The following NPAS3 variants were observed in gnomAD, a reference collection of about 807,000 sequenced individuals.
NPAS3 encodes the protein neuronal PAS domain protein 3.
NPAS3 carries 14 observed loss-of-function variants against 73.1 expected under a neutral mutation model. The observed-to-expected ratio is 0.19, with a 90% CI of 0.13 to 0.30. The LOEUF (loss-of-function observed/expected upper bound fraction) is 0.30, where lower values mean the gene tolerates loss of function less well. NPAS3 is among the 10% of genes least tolerant of loss of function. NPAS3 has a pLI of 1.00. For missense variants in NPAS3, 1,096 were observed against 1,250.0 expected, an observed-to-expected ratio of 0.88 and a Z score of 1.86; for synonymous variants, 620 against 541.5, an observed-to-expected ratio of 1.14 and a Z score of -2.01.
At chr14:33,277,681 C>A (rs985319135) in intron 3 of NPAS3, among the ~76,000 whole-genome samples, 6 of 151,996 alleles carry the variant, frequency 3.9e-5, no homozygotes, top group African/African-American at 9.7e-5. Flanking sequence ...ACTGAGGGGG[C>A]AACATGCAGA....
At chr14:33,463,935 T>G (rs950124657) in intron 4 of NPAS3, among the ~76,000 whole-genome samples, 3 of 151,842 alleles carry the variant, frequency 2.0e-5, no homozygotes, top group Non-Finnish European at 4.4e-5. Flanking sequence ...TCAGTTGAGG[T>G]ATGAGGGAGG....
In NPAS3 at chr14:33,665,661, T is replaced by A. The variant is rs190823706; in HGVS notation, c.559-10550T>A. ...GCATTTACTATGTAGCCACAAAAAA[T>A]TTTTAAAATAATTTCAGAAGTTTTT... is the stretch of plus-strand genomic sequence containing the variant. On this transcript the variant is annotated intron_variant, in intron 5 of 11. Coordinates refer to ENST00000356141, the Ensembl canonical transcript of NPAS3. Among the ~76,000 whole-genome samples, 838 of 152,278 alleles carry A rather than the reference T, an allele frequency of 5.5e-3. 5 individuals carry two copies. The highest frequency in any genetic ancestry group is 0.019 in the African/African-American group (771 of 41,550).
At chr14:33,112,662 T>G (rs2042934409) in intron 2 of NPAS3, among the ~76,000 whole-genome samples, 1 of 151,974 alleles carries the variant, frequency 6.6e-6, no homozygotes, top group East Asian at 1.9e-4. Context: ...CAGAAGCTCT[T>G]TAGTTTAATT....
chr14:33,181,286 TGAG>T (rs1228679756), intron 2 of NPAS3, among the ~76,000 whole-genome samples: 1 of 151,948 alleles, frequency 6.6e-6, no homozygotes, highest in African/African-American at 2.4e-5. Context: ...TCAGGCAGAG[TGAG>T]GAGGTATTTG....
At chr14:33,317,924 G>T (rs2043275365) in intron 3 of NPAS3, among the ~76,000 whole-genome samples, 1 of 152,032 alleles carries the variant, frequency 6.6e-6, no homozygotes, top group Admixed American at 6.6e-5. Flanking sequence ...CATGCATGTT[G>T]AAGTGCAGGG....
rs554390535 is a variant in NPAS3 at position 33,129,577 on chromosome 14, C to G, written c.140+73583C>G. ...TATTGAAAAATTCCTGTGTCAGTTG[C>G]CAAGGATAGTTTGTATCTTCCACAC... On this transcript the variant is annotated intron_variant, in intron 2 of 11. Transcript: ENST00000356141. Among the ~76,000 whole-genome samples the G allele has an allele frequency of 5.2e-4, 79 of 152,150 alleles. 2 individuals carry two copies. The South Asian group carries it at 6.2e-3, about 12-fold the overall frequency.
chr14:33,781,564 A>T (rs900827833), intron 9 of NPAS3, among the ~76,000 whole-genome samples: 2 of 152,232 alleles, frequency 1.3e-5, no homozygotes, highest in African/African-American at 4.8e-5. Flanking sequence ...GGTCATGGCG[A>T]CATAGAATCA....
At chr14:33,445,184 G>A (rs922676013) in intron 4 of NPAS3, among the ~76,000 whole-genome samples, 3 of 152,066 alleles carry the variant, frequency 2.0e-5, no homozygotes, top group African/African-American at 4.8e-5. Flanking sequence ...GAGTCACATC[G>A]CTCTGAGTTG....
At chr14:33,645,012 T>C (rs1404729083) in intron 5 of NPAS3, among the ~76,000 whole-genome samples, 2 of 146,922 alleles carry the variant, frequency 1.4e-5, no homozygotes, top group Non-Finnish European at 1.5e-5. Flanking sequence ...AACCGGAAGG[T>C]GGAGGTTGCA....
intron 6 of NPAS3, among the ~76,000 whole-genome samples, chr14:33,714,964 T>C (rs776331951): frequency 1.3e-5 from 2 of 152,216 alleles, no homozygotes; most frequent in Non-Finnish European, 2.9e-5. Context: ...CATAAGCCAG[T>C]CTTGACATCT....
chr14:33,587,689 C>A (rs1015909170), intron 5 of NPAS3, among the ~76,000 whole-genome samples: 1 of 152,104 alleles, frequency 6.6e-6, no homozygotes, highest in Admixed American at 6.5e-5. Context: ...TCGGTGTATA[C>A]CTGTAGTATA....
chr14:33,734,853 A>C (rs1039406989), intron 6 of NPAS3, among the ~76,000 whole-genome samples: 1 of 152,076 alleles, frequency 6.6e-6, no homozygotes, highest in Non-Finnish European at 1.5e-5. Flanking sequence ...CCTGTACCTT[A>C]GTTGACCTCA....
intron 3 of NPAS3, among the ~76,000 whole-genome samples, chr14:33,316,599 T>C (rs1394271472): frequency 1.3e-5 from 2 of 152,102 alleles, no homozygotes; most frequent in Non-Finnish European, 2.9e-5. Flanking sequence ...AAAATTAATC[T>C]CTTTTACATT....
intron 3 of NPAS3, among the ~76,000 whole-genome samples, chr14:33,228,823 C>G (rs145645713): frequency 1.3e-5 from 2 of 151,834 alleles, no homozygotes. Flanking sequence ...ATGATTAACG[C>G]GAAAGGAGAA....
At chr14:33,664,274 T>A (rs1372459906) in intron 5 of NPAS3, among the ~76,000 whole-genome samples, 2 of 152,136 alleles carry the variant, frequency 1.3e-5, no homozygotes, top group Non-Finnish European at 2.9e-5. Flanking sequence ...GGGGAAAGGA[T>A]TCCCTATTTA....
At chr14:33,626,503 G>A (rs546574120) in intron 5 of NPAS3, among the ~76,000 whole-genome samples, 3 of 152,178 alleles carry the variant, frequency 2.0e-5, no homozygotes, top group Non-Finnish European at 4.4e-5. Flanking sequence ...ATATTCCCCA[G>A]GGTGATTATG....
At chr14:33,241,606 A>T (rs2048215363) in intron 3 of NPAS3, among the ~76,000 whole-genome samples, 1 of 152,006 alleles carries the variant, frequency 6.6e-6, no homozygotes. Context: ...TGTCCTTAAT[A>T]ATCTTGTTAG....
chr14:33,089,157 T>G (rs2042136820), intron 2 of NPAS3, among the ~76,000 whole-genome samples: 1 of 152,178 alleles, frequency 6.6e-6, no homozygotes, highest in Non-Finnish European at 1.5e-5. Flanking sequence ...GAGAATATCT[T>G]TGACGAGTTG....
rs369299257 is a variant in NPAS3 at position 33,241,104 on chromosome 14, T to G, written c.385+25678T>G. ...AAGAGTGCTTCTGGTTGAGACATTT[T>G]AATTCATTTTCTAGTATTTCACAAT... On this transcript the variant is annotated intron_variant, in intron 3 of 11. Transcript: ENST00000356141. Among the ~76,000 whole-genome samples, 12 of 152,008 alleles carry G rather than the reference T, an allele frequency of 7.9e-5. No individual in the cohort carries two copies. The East Asian group carries it at 1.9e-3, about 25-fold the overall frequency.
Sources: allele counts gnomAD v4.1 joint callset (sites outside exome capture counted in the v4.1 genomes callset), GRCh38; gene constraint gnomAD v4.1.1; transcripts MANE v1.5; gene names NCBI Gene and HGNC (gene_info 2026-07-23, HGNC 2026-07-21).